Variants in TRDN observed in about 807,000 individuals in gnomAD.
The protein encoded by TRDN is triadin.
TRDN carries 161 observed loss-of-function variants against 149.7 expected under a neutral mutation model. The ratio of observed to expected loss-of-function variants is 1.08; its 90% confidence interval spans 0.95 to 1.23. The LOEUF is 1.23. Ranked by LOEUF, TRDN falls within the 50% of genes most tolerant of loss-of-function variation. The pLI, the probability that TRDN is intolerant of heterozygous loss-of-function variation, is 0.00. For missense variants in TRDN, 896 were observed against 823.5 expected (o/e 1.09, Z -1.08); for synonymous variants, 294 against 250.5 (o/e 1.17, Z -1.64).
chr6:123,509,720 T>C (rs1583166230), intron 7 of TRDN: 1 of 152,192 alleles, frequency 6.6e-6, no homozygotes, highest in African/African-American at 2.4e-5. Context: ...ACAGAAACTG[T>C]GAGATAATAA....
intron 24 of TRDN, among the ~76,000 whole-genome samples, chr6:123,313,887 G>C (rs931290584): frequency 6.6e-6 from 1 of 151,888 alleles, no homozygotes; most frequent in African/African-American, 2.4e-5. Flanking sequence ...CTTAAAACTA[G>C]AAAAAGCCTG....
chr6:123,257,514 G>T (rs1012306367), intron 35 of TRDN, among the ~76,000 whole-genome samples: 1 of 152,002 alleles, frequency 6.6e-6, no homozygotes, highest in African/African-American at 2.4e-5. Context: ...TTCTGTTTTG[G>T]TACCAGTACC....
At chr6:123,331,578 C>G (rs1027228104) in intron 23 of TRDN, among the ~76,000 whole-genome samples, 1 of 151,952 alleles carries the variant, frequency 6.6e-6, no homozygotes, top group Non-Finnish European at 1.5e-5. Flanking sequence ...CTAAGATTCG[C>G]TCTTTGGATA....
rs1021886509 is a variant in TRDN at position 123,503,719 on chromosome 6, C to A, written c.793G>T (p.Asp265Tyr). 1.9e-6 allele frequency: 3 copies of A among 1,613,474 alleles called. No individual in the cohort carries two copies. The highest frequency in any genetic ancestry group is 2.5e-6 in the Non-Finnish European group (3 of 1,179,762). ...KAAVSKHEQKDQYAFCRYMID... is the reference protein window; with the variant it reads ...KAAVSKHEQKYQYAFCRYMID... ...GCAGCCTCCTGCTCTGAATGTTTAC[C>A]TTTCTGTTCATGCTTTGACACAGCT... Residue 265 changes from aspartate (D) to tyrosine (Y), a missense_variant and splice_region_variant, in exon 8 of 41, where the codon GAT becomes TAT. Transcript: ENST00000334268.
At chr6:123,382,201 G>T in intron 14 of TRDN, 54 bp from the exon 15 acceptor site, 1 of 1,239,860 alleles carries the variant, frequency 8.1e-7, no homozygotes. Context: ...ATCAACAGCT[G>T]ATCAGCTCAC....
intron 14 of TRDN, among the ~76,000 whole-genome samples, chr6:123,387,374 A>G (rs1388571646): frequency 6.6e-6 from 1 of 152,182 alleles, no homozygotes; most frequent in East Asian, 1.9e-4. Flanking sequence ...TAAATAACAT[A>G]TTTTTATGAT....
intron 10 of TRDN, among the ~76,000 whole-genome samples, chr6:123,451,628 A>T (rs1428593820): frequency 6.6e-6 from 1 of 152,114 alleles, no homozygotes; most frequent in South Asian, 2.1e-4. Flanking sequence ...AACAAAAAAA[A>T]GTCCAGGACC....
chr6:123,557,202 C>T (rs1781718269), intron 2 of TRDN, among the ~76,000 whole-genome samples: 1 of 152,126 alleles, frequency 6.6e-6, no homozygotes, highest in Admixed American at 6.5e-5. Context: ...AAATAAACAG[C>T]CTTGTTGCTC....
intron 12 of TRDN, among the ~76,000 whole-genome samples, chr6:123,431,109 G>A (rs1013719774): frequency 2.6e-5 from 4 of 152,088 alleles, no homozygotes; most frequent in South Asian, 2.1e-4. Flanking sequence ...TTCCTTCAAA[G>A]CCCTTCGAGC....
chr6:123,278,542 C>T (rs373494836), intron 25 of TRDN, among the ~76,000 whole-genome samples, 195 bp from the exon 26 acceptor site: 1 of 152,094 alleles, frequency 6.6e-6, no homozygotes, highest in Non-Finnish European at 1.5e-5. Context: ...ACAACAGATT[C>T]CTCACTATTA....
At chr6:123,546,531 T>A (rs1179865064) in intron 4 of TRDN, among the ~76,000 whole-genome samples, 2 of 152,088 alleles carry the variant, frequency 1.3e-5, no homozygotes, top group East Asian at 3.9e-4. Context: ...TGCCCATGTG[T>A]AGCAGTAACT....
chr6:123,355,170 T>A (rs1328017177), intron 20 of TRDN, among the ~76,000 whole-genome samples: 3 of 151,612 alleles, frequency 2.0e-5, no homozygotes, highest in African/African-American at 7.2e-5. Flanking sequence ...TGAGTCTTTT[T>A]AAATATATAT....
chr6:123,621,230 A>G (rs1218548896), intron 1 of TRDN, among the ~76,000 whole-genome samples: 4 of 152,142 alleles, frequency 2.6e-5, no homozygotes, highest in Non-Finnish European at 5.9e-5. Context: ...TTAGGATTCT[A>G]TTCATTTTCT....
chr6:123,346,762 G>C (rs1384053172), intron 21 of TRDN, among the ~76,000 whole-genome samples: 1 of 151,890 alleles, frequency 6.6e-6, no homozygotes, highest in Non-Finnish European at 1.5e-5. Context: ...CTGAGAGCTG[G>C]AAAAATAAGG....
intron 24 of TRDN, among the ~76,000 whole-genome samples, chr6:123,301,580 C>G (rs944361695): frequency 6.6e-6 from 1 of 151,106 alleles, no homozygotes; most frequent in African/African-American, 2.4e-5. Context: ...ATTGATTGCT[C>G]CACCAATATT....
intron 1 of TRDN, among the ~76,000 whole-genome samples, chr6:123,598,651 C>T (rs117887565): frequency 6.6e-6 from 1 of 151,978 alleles, no homozygotes; most frequent in East Asian, 1.9e-4. Flanking sequence ...ATAGCCACAC[C>T]CATTCATTTT....
chr6:123,558,141 C>G (rs528042110), intron 2 of TRDN, among the ~76,000 whole-genome samples: 2 of 152,206 alleles, frequency 1.3e-5, no homozygotes, highest in African/African-American at 4.8e-5. Flanking sequence ...CGGTCCCTCC[C>G]TAGTCTCTGT....
intron 19 of TRDN, among the ~76,000 whole-genome samples, chr6:123,373,535 T>C (rs1027775746): frequency 1.3e-5 from 2 of 152,176 alleles, no homozygotes; most frequent in Non-Finnish European, 1.5e-5. Context: ...GTATTTTTCC[T>C]ACAGTGATTT....
intron 12 of TRDN, among the ~76,000 whole-genome samples, chr6:123,428,315 A>G (rs1774205472): frequency 6.6e-6 from 1 of 152,084 alleles, no homozygotes; most frequent in Admixed American, 6.6e-5. Flanking sequence ...TTTTTATTTG[A>G]CCTTTCAGGA....
Sources: gnomAD v4.1 joint callset for allele counts (sites outside exome capture counted in the v4.1 genomes callset) on GRCh38, gnomAD v4.1.1 for gene constraint, MANE v1.5 for transcripts, NCBI Gene and HGNC (gene_info 2026-07-23, HGNC 2026-07-21) for gene names.